The following ANGPT1 variants were observed in gnomAD, a reference collection of about 807,000 sequenced individuals.
The protein encoded by ANGPT1 is angiopoietin 1.
A neutral mutation model predicts 62.2 loss-of-function variants in ANGPT1; 17 were observed. The observed-to-expected ratio is 0.27, with a 90% CI of 0.19 to 0.41. The LOEUF is 0.41. Ranked by LOEUF, ANGPT1 falls within the 10% of genes least tolerant of loss-of-function variation. The probability of loss-of-function intolerance (pLI) is 1.00; values close to 1 mark genes in which losing one functional copy is unlikely to be tolerated. For synonymous variants in ANGPT1, 199 were observed against 198.9 expected, an observed-to-expected ratio of 1.00 and a Z score of 0.00; for missense variants, 478 against 594.9, an observed-to-expected ratio of 0.80 and a Z score of 2.04.
chr8:107,465,716 G>T lies in ANGPT1; in HGVS notation c.297+31546C>A, dbSNP rs141762958. 3.7e-3 allele frequency among the ~76,000 whole-genome samples: 564 copies of T among 152,226 alleles called. 9 individuals carry two copies. The highest frequency in any genetic ancestry group is 0.013 in the African/African-American group (529 of 41,546). The stretch of plus-strand genomic sequence containing the variant: ...CAAGATTATAGCCATATGCTAGGAA[G>T]AATAATCCAGATAACCATATTATTC... On this transcript the variant is annotated intron_variant, in intron 1 of 8. Transcript: ENST00000517746.
chr8:107,330,900 T>G (rs1176015551), intron 3 of ANGPT1, among the ~76,000 whole-genome samples: 1 of 152,126 alleles, frequency 6.6e-6, no homozygotes, highest in African/African-American at 2.4e-5. Context: ...AAATGCTATA[T>G]GCTATTAAAT....
chr8:107,282,763 T>C (rs934232149), intron 7 of ANGPT1, among the ~76,000 whole-genome samples: 1 of 151,530 alleles, frequency 6.6e-6, no homozygotes, highest in African/African-American at 2.4e-5. Context: ...TTTTTGATCA[T>C]AGATCCCTAC....
intron 1 of ANGPT1, among the ~76,000 whole-genome samples, chr8:107,384,201 G>C (rs1162271255): frequency 1.3e-5 from 2 of 152,060 alleles, no homozygotes; most frequent in Non-Finnish European, 2.9e-5. Context: ...TCTCATTAGA[G>C]TTGTCTGGGG....
intron 1 of ANGPT1, among the ~76,000 whole-genome samples, chr8:107,422,138 G>T (rs1810910864): frequency 6.6e-6 from 1 of 151,976 alleles, no homozygotes; most frequent in Non-Finnish European, 1.5e-5. Context: ...ACATAAAATC[G>T]TTACCTTAGT....
At chr8:107,428,678 A>G (rs1811099992) in intron 1 of ANGPT1, among the ~76,000 whole-genome samples, 1 of 151,728 alleles carries the variant, frequency 6.6e-6, no homozygotes, top group African/African-American at 2.4e-5. Flanking sequence ...GCTATAACTA[A>G]ACAAGAACAA....
intron 1 of ANGPT1, among the ~76,000 whole-genome samples, chr8:107,416,799 C>CTTT (rs35404455): frequency 1.0e-4 from 13 of 130,134 alleles, no homozygotes; most frequent in African/African-American, 3.7e-4. Flanking sequence ...GTCAGATAAT[C>CTTT]TTTTTTTTTT....
intron 3 of ANGPT1, among the ~76,000 whole-genome samples, chr8:107,328,738 C>T (rs1479297366): frequency 6.6e-6 from 1 of 151,874 alleles, no homozygotes; most frequent in Admixed American, 6.6e-5. Flanking sequence ...AAAACATGCA[C>T]AACTTAACTT....
chr8:107,332,766 G>A (rs757977423), intron 3 of ANGPT1, among the ~76,000 whole-genome samples: 2 of 152,102 alleles, frequency 1.3e-5, no homozygotes, highest in African/African-American at 2.4e-5. Flanking sequence ...TCCTTGGGGA[G>A]GAAACAAAGC....
chr8:107,450,164 T>C (rs760144232), intron 1 of ANGPT1, among the ~76,000 whole-genome samples: 3 of 152,052 alleles, frequency 2.0e-5, no homozygotes, highest in Non-Finnish European at 4.4e-5. Flanking sequence ...AGGAACCATA[T>C]GGGACATACG....
intron 8 of ANGPT1, among the ~76,000 whole-genome samples, chr8:107,256,844 GTTTTT>G (rs201485864): frequency 1.3e-5 from 2 of 150,842 alleles, no homozygotes; most frequent in Non-Finnish European, 3.0e-5. Context: ...GTTTTGTTCT[GTTTTT>G]TTTTTTGTTT....
chr8:107,357,686 A>G (rs1816075785), intron 1 of ANGPT1, among the ~76,000 whole-genome samples: 1 of 152,192 alleles, frequency 6.6e-6, no homozygotes, highest in South Asian at 2.1e-4. Flanking sequence ...TCTGCATTCA[A>G]TGAAACATTA....
chr8:107,362,677 A>C (rs1266281296), intron 1 of ANGPT1, among the ~76,000 whole-genome samples: 1 of 152,170 alleles, frequency 6.6e-6, no homozygotes, highest in African/African-American at 2.4e-5. Context: ...CATGTCACAG[A>C]GATGTGTTTA....
chr8:107,295,408 A>C (rs551514766), intron 5 of ANGPT1: 1 of 152,208 alleles, frequency 6.6e-6, no homozygotes, highest in East Asian at 1.9e-4. Flanking sequence ...CCGTAATTCT[A>C]CTTCATTTAT....
chr8:107,303,482 G>A (rs949314455), intron 4 of ANGPT1, 115 bp from the exon 5 acceptor site: 27 of 843,498 alleles, frequency 3.2e-5, no homozygotes, highest in African/African-American at 1.6e-4. Flanking sequence ...TGTCAATATC[G>A]CACATAGTAA....
At chr8:107,497,152 C>G (rs747828587) in intron 1 of ANGPT1, 110 bp downstream of exon 1, 7 of 1,287,380 alleles carry the variant, frequency 5.4e-6, no homozygotes, top group Admixed American at 2.3e-5. Flanking sequence ...ACACTGCCCC[C>G]CTGGAGCAAA....
chr8:107,387,693 A>G (rs922477125), intron 1 of ANGPT1, among the ~76,000 whole-genome samples: 3 of 151,952 alleles, frequency 2.0e-5, no homozygotes, highest in African/African-American at 7.2e-5. Flanking sequence ...TTTGACAGAG[A>G]AAAAAATGGT....
intron 1 of ANGPT1, among the ~76,000 whole-genome samples, chr8:107,424,968 G>A (rs1164649260): frequency 2.0e-5 from 3 of 152,066 alleles, no homozygotes; most frequent in African/African-American, 4.8e-5. Context: ...TTCGCCTCCC[G>A]GGTTCAAGTG....
intron 1 of ANGPT1, among the ~76,000 whole-genome samples, chr8:107,417,432 A>G (rs1171177262): frequency 1.3e-5 from 2 of 152,174 alleles, no homozygotes; most frequent in Non-Finnish European, 2.9e-5. Flanking sequence ...CAAGTGAGAA[A>G]AGGGCAACAT....
intron 7 of ANGPT1, among the ~76,000 whole-genome samples, chr8:107,277,067 T>C (rs1813883485): frequency 2.0e-5 from 3 of 152,178 alleles, no homozygotes; most frequent in Admixed American, 2.0e-4. Flanking sequence ...CATTATAAAT[T>C]ATGTAGTAAG....
Sources: gnomAD v4.1 joint callset for allele counts (sites outside exome capture counted in the v4.1 genomes callset) on GRCh38, gnomAD v4.1.1 for gene constraint, MANE v1.5 for transcripts, NCBI Gene and HGNC (gene_info 2026-07-23, HGNC 2026-07-21) for gene names.